The following MAPK8IP3 variants were observed in gnomAD, a reference collection of about 807,000 sequenced individuals.
The protein encoded by MAPK8IP3 is C-Jun-amino-terminal kinase-interacting protein 3.
Under a neutral mutation model 157.8 loss-of-function variants are expected in MAPK8IP3, and 49 were observed. The observed-to-expected ratio is 0.31, with a 90% CI of 0.25 to 0.39. The LOEUF is 0.39. Among genes scored for constraint, MAPK8IP3 ranks in the 10% least tolerant of loss-of-function variants. The probability of loss-of-function intolerance (pLI) is 1.00; values close to 1 mark genes in which losing one functional copy is unlikely to be tolerated. For synonymous variants in MAPK8IP3, 897 were observed against 777.7 expected, an observed-to-expected ratio of 1.15 and a Z score of -2.55; for missense variants, 1,478 against 1,889.4, an observed-to-expected ratio of 0.78 and a Z score of 4.04.
chr16:1,722,922 C>G (rs1164146644), intron 1 of MAPK8IP3, among the ~76,000 whole-genome samples: 1 of 151,830 alleles, frequency 6.6e-6, no homozygotes, highest in Non-Finnish European at 1.5e-5. Flanking sequence ...AGGATGGACT[C>G]GATCTCCTGA....
chr16:1,768,032 G>A (rs756811951), intron 28 of MAPK8IP3, 37 bp from the exon 29 acceptor site: 26 of 1,611,676 alleles, frequency 1.6e-5, no homozygotes, highest in East Asian at 4.5e-5. Context: ...TACGCTGACC[G>A]CTCTCCTCTT....
At chr16:1,744,592 A>T in intron 5 of MAPK8IP3, 2 of 985,524 alleles carry the variant, frequency 2.0e-6, no homozygotes, top group Non-Finnish European at 2.4e-6. Context: ...ACCTCCTCTC[A>T]CTGTCTCTGG....
chr16:1,715,209 C>G (rs1027796951), intron 1 of MAPK8IP3, among the ~76,000 whole-genome samples: 4 of 152,156 alleles, frequency 2.6e-5, no homozygotes, highest in African/African-American at 9.7e-5. Context: ...GCTTTTCAAC[C>G]TGGTTTTTGG....
intron 19 of MAPK8IP3, among the ~76,000 whole-genome samples, 157 bp downstream of exon 19, chr16:1,764,616 C>T (rs1173010129): frequency 2.0e-5 from 3 of 152,228 alleles, no homozygotes; most frequent in Non-Finnish European, 1.5e-5. Flanking sequence ...AGTGTCTTCC[C>T]TCACCAGGAC....
rs756116085 is a variant in MAPK8IP3 at position 1,724,685 on chromosome 16, G to T, written c.439+8G>T. ...AGAACTATGCCGATCAGAGTAAGTG[G>T]CTGGCGGGAGCCTGGAGGCGCGCTT... On this transcript the variant is annotated splice_region_variant and intron_variant, in intron 2 of 31. Coordinates refer to ENST00000610761, the MANE Select transcript of MAPK8IP3 (RefSeq NM_001318852.2). This position sits in a 1 kb window ranked among gnomAD's most constrained non-coding sequence, Gnocchi z 4.1. 1.2e-5 allele frequency: 20 copies of T among 1,608,096 alleles called. No individual in the cohort carries two copies. In the South Asian group the frequency reaches 1.5e-4, roughly 12 times the overall value.
chr16:1,751,534 C>T lies in MAPK8IP3; in HGVS notation c.1216+2814C>T, dbSNP rs573015339. 6.6e-5 allele frequency: 10 copies of T among 152,288 alleles called. No individual in the cohort carries two copies. The highest frequency in any genetic ancestry group is 2.2e-4 in the African/African-American group (9 of 41,548). The allele number at this position is 152,288 out of a possible 1,614,324, so 9.4% of individuals were successfully genotyped here. A position where few individuals can be genotyped will look rare whatever the true frequency, so the allele number is the denominator to read the frequency against. ...ACTTGAACGCAGGTCCCACCCAGAACAGCAGCCCTAACTCTGAGCAAGGTC... is the reference window on the plus strand; with the variant it reads ...ACTTGAACGCAGGTCCCACCCAGAATAGCAGCCCTAACTCTGAGCAAGGTC... On this transcript the variant is annotated intron_variant, in intron 8 of 31. Transcript: ENST00000610761. This position sits in a 1 kb window ranked among gnomAD's most constrained non-coding sequence, Gnocchi z 5.0.
intron 1 of MAPK8IP3, among the ~76,000 whole-genome samples, chr16:1,721,058 C>G (rs2038484883): frequency 6.6e-6 from 1 of 151,158 alleles, no homozygotes; most frequent in South Asian, 2.1e-4. Flanking sequence ...CAAAACAAGG[C>G]TGGGCATGGG....
At chr16:1,715,208 C>T (rs2038065743) in intron 1 of MAPK8IP3, among the ~76,000 whole-genome samples, 1 of 152,146 alleles carries the variant, frequency 6.6e-6, no homozygotes, top group African/African-American at 2.4e-5. Context: ...TGCTTTTCAA[C>T]CTGGTTTTTG....
At position 1,766,039 on chromosome 16, in the gene MAPK8IP3, C is replaced by T. The variant is rs1053280769; in HGVS notation, c.2526C>T (p.Gly842=). 13 of 1,612,722 alleles carry T rather than the reference C, an allele frequency of 8.1e-6. No individual in the cohort carries two copies. In the East Asian group the frequency reaches 1.1e-4, roughly 14 times the overall value. ...DVNPEDPGAD[G]VLAGITLVGC... ...ACCCAGAGGACCCGGGCGCAGATGG[C>T]GTGCTGGCCGGTATCACCCTGGTGG... The change falls in exon 21 of 32, where the codon GGC becomes GGT. Residue 842 remains glycine, a synonymous_variant. Transcript: ENST00000610761.
rs369023415 is a variant in MAPK8IP3, at chr16:1,764,156, C to T, written c.2067C>T (p.Asn689=). Residue 689 remains asparagine, a synonymous_variant, in exon 18 of 32, where the codon AAC becomes AAT. Coordinates refer to ENST00000610761, the MANE Select transcript of MAPK8IP3 (RefSeq NM_001318852.2). ...NGGQEDTRMK[N]VPVPVYCRPL... ...GCCAGGAGGACACGCGGATGAAGAA[C>T]GTGCCGGTGCCGGTGTACTGCCGCC... 1.1e-5 allele frequency: 18 copies of T among 1,611,760 alleles called. No individual in the cohort carries two copies. In the African/African-American group the frequency reaches 2.0e-4, roughly 18 times the overall value.
rs1375106607 is a variant in MAPK8IP3 at position 1,765,171 on chromosome 16, C to T, written c.2439C>T (p.Ser813=). The T allele has an allele frequency of 6.3e-7, 1 of 1,593,284 alleles. No homozygotes were observed. Among genetic ancestry groups the T allele is most frequent in the South Asian group, 1.1e-5 (1 of 90,272 alleles). Residue 813 remains serine (S), a synonymous_variant, in exon 20 of 32, where the codon AGC becomes AGT. Transcript: ENST00000610761. ...ACGCGCACGTGCTGTGCATCTCCAG[C>T]ATCCCCGGTGAGCAGCTGGAGTGGG... is the stretch of plus-strand genomic sequence containing the variant. ...VCNAHVLCIS[S]IPAASDSDYP... is the part of the protein sequence containing the mutation.
At chr16:1,718,453 G>A (rs2038300125) in intron 1 of MAPK8IP3, among the ~76,000 whole-genome samples, 2 of 151,924 alleles carry the variant, frequency 1.3e-5, no homozygotes. Context: ...TAAAGTGCTG[G>A]GATTACAGGC....
At position 1,724,944 on chromosome 16, in the gene MAPK8IP3, G is replaced by A. The variant is rs1015278031; in HGVS notation, c.439+267G>A. 6.6e-6 allele frequency among the ~76,000 whole-genome samples: 1 copy of A among 152,134 alleles called. No individual in the cohort carries two copies. The highest frequency in any genetic ancestry group is 1.5e-5 in the Non-Finnish European group (1 of 68,030). ...CTGACCCCCAGATCACAAGTCTGTG[G>A]TCCTGAAGGTCCTTCCTGAATCTTT... On this transcript the variant is annotated intron_variant, in intron 2 of 31. Coordinates refer to ENST00000610761, the MANE Select transcript of MAPK8IP3 (RefSeq NM_001318852.2). The surrounding 1 kb of genome is among the most constrained non-coding windows in gnomAD (Gnocchi z 4.1).
intron 10 of MAPK8IP3, among the ~76,000 whole-genome samples, chr16:1,759,595 C>T (rs571952990): frequency 1.3e-5 from 2 of 152,322 alleles, no homozygotes; most frequent in African/African-American, 2.4e-5. Context: ...CCCACCTGTC[C>T]CCTCACCGCA....
At chr16:1,764,755 G>T (rs890029851) in intron 19 of MAPK8IP3, among the ~76,000 whole-genome samples, 1 of 152,214 alleles carries the variant, frequency 6.6e-6, no homozygotes, top group Non-Finnish European at 1.5e-5. Context: ...CCTCCCAGTG[G>T]TGGGAGGCTT....
At chr16:1,730,567 A>G (rs377042758) in intron 4 of MAPK8IP3, among the ~76,000 whole-genome samples, 4 of 151,734 alleles carry the variant, frequency 2.6e-5, no homozygotes, top group Non-Finnish European at 4.4e-5. Flanking sequence ...GTGAAACCCC[A>G]TCTCTACGAA....
rs908709814 is a variant in MAPK8IP3, at chr16:1,724,343, C to T, written c.319-214C>T. ...ATCATGCAGTCCTGGAGGGCTCTCC[C>T]GCCCTGCCCTCATGGCTCCTCACTG... is the stretch of plus-strand genomic sequence containing the variant. On this transcript the variant is annotated intron_variant, in intron 1 of 31. Transcript: ENST00000610761. This position sits in a 1 kb window ranked among gnomAD's most constrained non-coding sequence, Gnocchi z 4.1. Among the ~76,000 whole-genome samples the T allele has an allele frequency of 1.3e-5, 2 of 152,210 alleles. No individual in the cohort carries two copies. The highest frequency in any genetic ancestry group is 4.8e-5 in the African/African-American group (2 of 41,466).
rs1485101247 is a variant in MAPK8IP3, at chr16:1,724,528, A to G, written c.319-29A>G. 3.1e-6 allele frequency: 5 copies of G among 1,610,246 alleles called. No individual in the cohort carries two copies. In the East Asian group the frequency reaches 1.1e-4, roughly 36 times the overall value. Reference sequence around the variant, plus strand: ...GGCTGCTCCACACTCACTCCTGATGACTGCTCTTTCCCTCCCTTCCATGCA... The same window carrying G: ...GGCTGCTCCACACTCACTCCTGATGGCTGCTCTTTCCCTCCCTTCCATGCA... On this transcript the variant is annotated intron_variant, in intron 1 of 31. Coordinates refer to ENST00000610761, the MANE Select transcript of MAPK8IP3 (RefSeq NM_001318852.2). The surrounding 1 kb of genome is among the most constrained non-coding windows in gnomAD (Gnocchi z 4.1).
intron 4 of MAPK8IP3, among the ~76,000 whole-genome samples, chr16:1,734,417 C>T (rs1254591766): frequency 1.3e-5 from 2 of 152,156 alleles, no homozygotes; most frequent in Non-Finnish European, 2.9e-5. Flanking sequence ...CCTCCGGGCT[C>T]GTGTGTCCCC....
Sources: gnomAD v4.1 joint callset for allele counts (sites outside exome capture counted in the v4.1 genomes callset) on GRCh38, gnomAD v4.1.1 for gene constraint, Gnocchi (gnomAD v3.1) non-coding constraint, MANE v1.5 for transcripts, NCBI Gene and HGNC (gene_info 2026-07-23, HGNC 2026-07-21) for gene names.